The following ADAMTSL4 variants were observed in gnomAD, a reference collection of about 807,000 sequenced individuals.
ADAMTSL4 encodes the protein ADAMTS-like protein 4.
A neutral mutation model predicts 122.8 loss-of-function variants in ADAMTSL4; 97 were observed. The ratio of observed to expected loss-of-function variants is 0.79; its 90% confidence interval spans 0.67 to 0.93. The LOEUF (loss-of-function observed/expected upper bound fraction) is 0.93. ADAMTSL4 is among the 40% of genes least tolerant of loss of function. The probability of loss-of-function intolerance (pLI) is 0.00; values close to 1 mark genes in which losing one functional copy is unlikely to be tolerated. For synonymous variants in ADAMTSL4, 592 were observed against 568.0 expected (o/e 1.04, Z -0.60); for missense variants, 1,408 against 1,453.5 (o/e 0.97, Z 0.51).
chr1:150,558,365 C>G, intron 14 of ADAMTSL4, 108 bp from the exon 15 acceptor site: 1 of 1,567,682 alleles, frequency 6.4e-7, no homozygotes, highest in Non-Finnish European at 8.6e-7. Context: ...AGCCATGTGA[C>G]TGCTGGGCTG....
chr1:150,553,494 T>C lies in ADAMTSL4; in HGVS notation c.503T>C (p.Leu168Pro), dbSNP rs776368185. 6 of 1,613,730 alleles carry C rather than the reference T, an allele frequency of 3.7e-6. No homozygotes were observed. Among genetic ancestry groups the C allele is most frequent in the Middle Eastern group, 1.6e-4 (1 of 6,084 alleles). Reference protein sequence around the residue: ...GYGRVPFALPLHRNRRHPRSP... With the variant: ...GYGRVPFALPPHRNRRHPRSP... ...GGGAGAGTGCCCTTTGCATTGCCACTGCACCGGAACCGCAGGCACCCTCGG... is the reference window on the plus strand; with the variant it reads ...GGGAGAGTGCCCTTTGCATTGCCACCGCACCGGAACCGCAGGCACCCTCGG... Residue 168 changes from leucine (L) to proline (P), a missense_variant, in exon 6 of 19, where the codon CTG (leucine) becomes CCG (proline). By Grantham distance (98) the Leu-to-Pro change is moderately conservative. Transcript: ENST00000271643.
rs41317525 is a variant in ADAMTSL4, at chr1:150,557,567, G to A, written c.2121G>A (p.Ala707=). ...GEELDERSCA[A]GARPPASPEP... The stretch of plus-strand genomic sequence containing the variant: ...AACTGGATGAACGCAGCTGTGCCGC[G>A]GGTGCCAGGCCCCCAGCCTCCCCTG... Residue 707 remains alanine (A), a synonymous_variant, in exon 13 of 19, where the codon GCG becomes GCA. Transcript: ENST00000271643. 0.011 allele frequency: 18,176 copies of A among 1,606,180 alleles called. 129 individuals are homozygous for A. The highest frequency in any genetic ancestry group is 0.013 in the Non-Finnish European group (15,517 of 1,176,874).
rs1323694936 is a variant in ADAMTSL4, at chr1:150,557,292, G to C, written c.2004G>C (p.Trp668Cys). 2 of 1,612,312 alleles carry C rather than the reference G, an allele frequency of 1.2e-6. No homozygotes were observed. Among genetic ancestry groups the C allele is most frequent in the African/African-American group, 2.7e-5 (2 of 74,876 alleles). The part of the protein sequence containing the change: ...RTPLGSPAAY[W>C]KRVGHSACSA... ...CCCTGGGGTCTCCAGCTGCGTACTG[G>C]AAACGAGTGGGACACTCTGCATGCT... Residue 668 changes from tryptophan (W) to cysteine (C), a missense_variant, in exon 12 of 19, where the codon TGG becomes TGC. Physicochemically the swap from Trp to Cys is radical, Grantham distance 215. Transcript: ENST00000271643.
Position 150,556,579 on chromosome 1 carries a change from T to C in ADAMTSL4, c.1577-42T>C. The C allele has an allele frequency of 6.2e-7, 1 of 1,613,016 alleles. No individual in the cohort carries two copies. Among genetic ancestry groups the C allele is most frequent in the Admixed American group, 1.7e-5 (1 of 59,996 alleles). On this transcript the variant is annotated intron_variant, in intron 9 of 18. Coordinates refer to ENST00000271643, the MANE Select transcript of ADAMTSL4 (RefSeq NM_019032.6). This position sits in a 1 kb window ranked among gnomAD's most constrained non-coding sequence, Gnocchi z 4.1. ...ACACGGTGTGGGAGGAGGAAGGTAT[T>C]ATCACCCTGGAATTTCCCGATCTCT...
At position 150,558,645 on chromosome 1, in the gene ADAMTSL4, C is replaced by T; in HGVS notation, c.2555C>T (p.Ser852Phe). The T allele has an allele frequency of 6.2e-7, 1 of 1,613,750 alleles. No homozygotes were observed. Among genetic ancestry groups the T allele is most frequent in the Non-Finnish European group, 8.5e-7 (1 of 1,179,988 alleles). ...GCCTGGTTCCACAGCGACTGGAGCTCCAAGGTGAGCCCGGAACCCCCAGCC... is the reference window on the plus strand; with the variant it reads ...GCCTGGTTCCACAGCGACTGGAGCTTCAAGGTGAGCCCGGAACCCCCAGCC... ...TTAWFHSDWS[S>F]KCSAECGTGI... The change falls in exon 15 of 19, where the codon TCC becomes TTC. Residue 852 changes from serine to phenylalanine, a missense_variant. Coordinates refer to ENST00000271643, the MANE Select transcript of ADAMTSL4 (RefSeq NM_019032.6).
Position 150,557,229 on chromosome 1 carries a change from G to A in ADAMTSL4, c.1941G>A (p.Arg647=). The change falls in exon 12 of 19, where the codon CGG becomes CGA. Residue 647 remains arginine, a synonymous_variant. Coordinates refer to ENST00000271643, the MANE Select transcript of ADAMTSL4 (RefSeq NM_019032.6). ...CAGGCACCCTCCAGCGTCAGGTGCG[G>A]ATCCCCCAGATGCCCGCCCCGCCCC... The part of the protein sequence containing the change: ...RTPGTLQRQV[R]IPQMPAPPHP... The A allele has an allele frequency of 6.2e-7, 1 of 1,611,498 alleles. No homozygotes were observed. Among genetic ancestry groups the A allele is most frequent in the Non-Finnish European group, 8.5e-7 (1 of 1,179,520 alleles).
At chr1:150,551,931 C>G in intron 2 of ADAMTSL4, 1 of 309,396 alleles carries the variant, frequency 3.2e-6, no homozygotes, top group Non-Finnish European at 5.9e-6. Flanking sequence ...CCTGAGCCGG[C>G]TTAGAAACAG....
rs747469857 is a variant in ADAMTSL4 at position 150,556,904 on chromosome 1, AC to A, written c.1750-30del. 3.1e-6 allele frequency: 5 copies of A among 1,609,872 alleles called. No homozygotes were observed. Among genetic ancestry groups the A allele is most frequent in the African/African-American group, 2.7e-5 (2 of 74,692 alleles). ...GAGCTGGTGGCATCCTCTTCTGGCC[AC>A]CCCCACATATTCATTATCTTCTCTT... On this transcript the variant is annotated intron_variant, in intron 10 of 18. Transcript: ENST00000271643. This position sits in a 1 kb window ranked among gnomAD's most constrained non-coding sequence, Gnocchi z 4.1.
In ADAMTSL4 at chr1:150,560,068, T is replaced by C; in HGVS notation, c.3097T>C (p.Cys1033Arg). ...GCCTCCTCTGTCCCCAGATGATCAA[T>C]GCAAGGACAGCTCTCCACATTGCCC... Reference protein sequence around the residue: ...QPCSQRPDDQCKDSSPHCPLV... With the variant: ...QPCSQRPDDQRKDSSPHCPLV... The change falls in exon 19 of 19, where the codon TGC becomes CGC. Residue 1033 changes from cysteine to arginine, a missense_variant. Cys to Arg is a radical substitution (Grantham distance 180). Coordinates refer to ENST00000271643, the MANE Select transcript of ADAMTSL4 (RefSeq NM_019032.6). 6.2e-7 allele frequency: 1 copy of C among 1,614,082 alleles called. No homozygotes were observed. Among genetic ancestry groups the C allele is most frequent in the African/African-American group, 1.3e-5 (1 of 75,044 alleles).
In ADAMTSL4 at chr1:150,558,995, C is replaced by T. The variant is rs752027574; in HGVS notation, c.2593C>T (p.Arg865Cys). 8.1e-6 allele frequency: 13 copies of T among 1,610,932 alleles called. No individual in the cohort carries two copies. The highest frequency in any genetic ancestry group is 1.3e-5 in the African/African-American group (1 of 74,928). Residue 865 changes from arginine to cysteine, a missense_variant, in exon 16 of 19, where the codon CGC becomes TGC. Coordinates refer to ENST00000271643, the MANE Select transcript of ADAMTSL4 (RefSeq NM_019032.6). The stretch of plus-strand genomic sequence containing the variant: ...CGAGTGTGGGACGGGAATCCAGCGG[C>T]GCTCTGTGGTCTGCCTTGGGAGTGG... Reference protein sequence around the residue: ...SAECGTGIQRRSVVCLGSGAA... With the variant: ...SAECGTGIQRCSVVCLGSGAA...
chr1:150,557,911 C>A (rs761546762), intron 13 of ADAMTSL4, 34 bp from the exon 14 acceptor site: 1 of 1,591,570 alleles, frequency 6.3e-7, no homozygotes, highest in South Asian at 1.1e-5. Flanking sequence ...TCATCTATGT[C>A]TCCGCCTCTT....
In ADAMTSL4 at chr1:150,554,972, C is replaced by T. The variant is rs185222854; in HGVS notation, c.1235-457C>T. Reference sequence around the variant, plus strand: ...GAGTCCCCTTGATGGTCTCGGTGACCTCAACTGACCTGACCACCTTTTTTT... The same window carrying T: ...GAGTCCCCTTGATGGTCTCGGTGACTTCAACTGACCTGACCACCTTTTTTT... On this transcript the variant is annotated intron_variant, in intron 7 of 18. Coordinates refer to ENST00000271643, the MANE Select transcript of ADAMTSL4 (RefSeq NM_019032.6). The surrounding 1 kb of genome is among the most constrained non-coding windows in gnomAD (Gnocchi z 4.0). 6.6e-6 allele frequency among the ~76,000 whole-genome samples: 1 copy of T among 151,434 alleles called. No individual in the cohort carries two copies. The highest frequency in any genetic ancestry group is 2.4e-5 in the African/African-American group (1 of 41,170).
chr1:150,555,649 A>ACAC, intron 8 of ADAMTSL4, 84 bp downstream of exon 8: 1 of 1,576,290 alleles, frequency 6.3e-7, no homozygotes, highest in African/African-American at 1.3e-5. Flanking sequence ...ATGTACACAC[A>ACAC]TATGTATGAA....
rs587610999 is a variant in ADAMTSL4, at chr1:150,560,291, G to A, written c.*95G>A. 1.3e-6 allele frequency: 2 copies of A among 1,550,560 alleles called. No homozygotes were observed. Among genetic ancestry groups the A allele is most frequent in the East Asian group, 2.4e-5 (1 of 42,540 alleles). Reference sequence around the variant, plus strand: ...CCCCCTGGCTCTCCAGCCTGTCCCAGTCTCAGCAGGGATGTCCTCCAGGTG... The same window carrying A: ...CCCCCTGGCTCTCCAGCCTGTCCCAATCTCAGCAGGGATGTCCTCCAGGTG... On this transcript the variant is annotated 3_prime_UTR_variant, in exon 19 of 19. Coordinates refer to ENST00000271643, the MANE Select transcript of ADAMTSL4 (RefSeq NM_019032.6).
chr1:150,555,732 C>CACACACACACAT (rs1560293734), intron 8 of ADAMTSL4, among the ~76,000 whole-genome samples, 167 bp downstream of exon 8: 1 of 151,320 alleles, frequency 6.6e-6, no homozygotes. Context: ...CACACACACA[C>CACACACACACAT]GCACACACAC....
rs962214418 is a variant in ADAMTSL4, at chr1:150,559,532, C to T, written c.2943+66C>T. ...GCCCCTAGGGGAGGGGAGCTCCTCT[C>T]GCTGTACCCCCTCCAGGTCTCTCTG... is the stretch of plus-strand genomic sequence containing the variant. On this transcript the variant is annotated intron_variant, in intron 17 of 18. Coordinates refer to ENST00000271643, the MANE Select transcript of ADAMTSL4 (RefSeq NM_019032.6). This position sits in a 1 kb window ranked among gnomAD's most constrained non-coding sequence, Gnocchi z 4.1. 5 of 1,598,252 alleles carry T rather than the reference C, an allele frequency of 3.1e-6. No homozygotes were observed. In the South Asian group the frequency reaches 3.3e-5, roughly 11 times the overall value.
Position 150,557,601 on chromosome 1 carries a change from C to T in ADAMTSL4, c.2155C>T (p.His719Tyr), listed in dbSNP as rs1416693067. ...GCCCCCAGCCTCCCCTGAACCCTGC[C>T]ACGGCACCCCATGCCCCCCATAGTG... is the stretch of plus-strand genomic sequence containing the variant. ...ARPPASPEPCHGTPCPPYWEA... is the reference protein window; with the variant it reads ...ARPPASPEPCYGTPCPPYWEA... Residue 719 changes from histidine to tyrosine, a missense_variant, in exon 13 of 19, where the codon CAC (histidine) becomes TAC (tyrosine). By Grantham distance (83) the His-to-Tyr change is moderately conservative. Transcript: ENST00000271643. The T allele has an allele frequency of 1.2e-6, 2 of 1,601,522 alleles. No individual in the cohort carries two copies. The highest frequency in any genetic ancestry group is 1.7e-6 in the Non-Finnish European group (2 of 1,174,470).
chr1:150,556,689 A>AGGGCC lies in ADAMTSL4; in HGVS notation c.1648_1652dup (p.Gly552ProfsTer35). 2 of 1,614,016 alleles carry AGGGCC rather than the reference A, an allele frequency of 1.2e-6. No homozygotes were observed. Among genetic ancestry groups the AGGGCC allele is most frequent in the Non-Finnish European group, 1.7e-6 (2 of 1,179,978 alleles). On this transcript the variant is annotated frameshift_variant, in exon 10 of 19. Coordinates refer to ENST00000271643, the MANE Select transcript of ADAMTSL4 (RefSeq NM_019032.6). LOFTEE classifies it high-confidence loss of function. The surrounding 1 kb of genome is among the most constrained non-coding windows in gnomAD (Gnocchi z 4.1). Reference sequence around the variant, plus strand: ...GGCTGTGGATCCCCCTGGGTCCTACAGGGCCGGCGGGACCGTCTTTCGATA... The same window carrying AGGGCC: ...GGCTGTGGATCCCCCTGGGTCCTACAGGGCCGGGCCGGCGGGACCGTCTTTCGATA...
At position 150,554,570 on chromosome 1, in the gene ADAMTSL4, T is replaced by G. The variant is rs766202192; in HGVS notation, c.1234+103T>G. The G allele has an allele frequency of 7.7e-6, 12 of 1,562,702 alleles. No individual in the cohort carries two copies. Among genetic ancestry groups the G allele is most frequent in the Non-Finnish European group, 1.0e-5 (12 of 1,153,334 alleles). ...CCAGCCCTGAATGACTTCCAGCCCCTCTGCTTCCCCTGCGCCATGCCTTCT... is the reference window on the plus strand; with the variant it reads ...CCAGCCCTGAATGACTTCCAGCCCCGCTGCTTCCCCTGCGCCATGCCTTCT... On this transcript the variant is annotated intron_variant, in intron 7 of 18. Transcript: ENST00000271643. This position sits in a 1 kb window ranked among gnomAD's most constrained non-coding sequence, Gnocchi z 4.0.
Sources: gnomAD v4.1 joint callset for allele counts (sites outside exome capture counted in the v4.1 genomes callset) on GRCh38, gnomAD v4.1.1 for gene constraint, Gnocchi (gnomAD v3.1) non-coding constraint, MANE v1.5 for transcripts, NCBI Gene and HGNC (gene_info 2026-07-23, HGNC 2026-07-21) for gene names.